PCDH15: variants seen among roughly 807,000 people sequenced by gnomAD.
The protein encoded by PCDH15 is protocadherin-15.
A neutral mutation model predicts 178.5 loss-of-function variants in PCDH15; 129 were observed. The observed-to-expected ratio is 0.72, with a 90% CI of 0.63 to 0.84. PCDH15 has a LOEUF of 0.84. PCDH15 is among the 40% of genes least tolerant of loss of function. The probability of loss-of-function intolerance (pLI) is 0.00; values close to 1 mark genes in which losing one functional copy is unlikely to be tolerated. For missense variants in PCDH15, 2,230 were observed against 2,099.9 expected (o/e 1.06, Z -1.21); for synonymous variants, 800 against 732.0 (o/e 1.09, Z -1.50).
chr10:53,984,136 C>CTT (rs1564928589), intron 21 of PCDH15, among the ~76,000 whole-genome samples: 9 of 73,532 alleles, frequency 1.2e-4, no homozygotes, highest in South Asian at 4.7e-4. Context: ...TTTTTTTTTT[C>CTT]TTTTTTCTTT....
At chr10:53,980,316 T>C (rs1402185272) in intron 21 of PCDH15, among the ~76,000 whole-genome samples, 1 of 152,120 alleles carries the variant, frequency 6.6e-6, no homozygotes, top group Non-Finnish European at 1.5e-5. Context: ...ATTAAAGCTG[T>C]CTTTTAAACA....
intron 13 of PCDH15, among the ~76,000 whole-genome samples, chr10:54,176,547 C>T (rs912408595): frequency 1.5e-4 from 23 of 152,182 alleles, no homozygotes; most frequent in South Asian, 8.3e-4. Flanking sequence ...ATATTATTCT[C>T]GGATTCATAA....
intron 1 of PCDH15, among the ~76,000 whole-genome samples, chr10:54,719,872 C>A (rs2132485211): frequency 6.6e-6 from 1 of 152,154 alleles, no homozygotes; most frequent in South Asian, 2.1e-4. Flanking sequence ...CTTTTTATGG[C>A]TGCATAGTAT....
At chr10:54,786,459 G>C (rs1312571434) in intron 1 of PCDH15, among the ~76,000 whole-genome samples, 1 of 151,958 alleles carries the variant, frequency 6.6e-6, no homozygotes. Context: ...ATTCAGGCAA[G>C]TTATTTTTCA....
chr10:53,873,574 A>G (rs4628594), intron 26 of PCDH15, among the ~76,000 whole-genome samples: 78,690 of 152,044 alleles, frequency 0.52, 22,595 homozygotes, highest in East Asian at 0.7. Flanking sequence ...TAAAGCCACT[A>G]CATTCCACAT....
chr10:54,371,839 T>TC (rs1158798189), intron 4 of PCDH15, among the ~76,000 whole-genome samples: 1 of 151,944 alleles, frequency 6.6e-6, no homozygotes, highest in African/African-American at 2.4e-5. Context: ...TGCTTCAATT[T>TC]CTTTTTTTCA....
intron 2 of PCDH15, among the ~76,000 whole-genome samples, chr10:54,605,415 G>A (rs1337357526): frequency 6.6e-6 from 1 of 151,730 alleles, no homozygotes; most frequent in Non-Finnish European, 1.5e-5. Flanking sequence ...GTTTTGATTG[G>A]CAGTTGTGTA....
Position 55,262,748 on chromosome 10 carries a change from C to T in PCDH15, c.-156+56851G>A, listed in dbSNP as rs529821650. On this transcript the variant is annotated intron_variant, in intron 1 of 5. Coordinates refer to the PCDH15 transcript ENST00000458638. ...CAAAACCTTGCGCTCATTCTCCAAG[C>T]CCATGTGTGGCCTGATTCTTCTGGT... 7.9e-4 allele frequency among the ~76,000 whole-genome samples: 120 copies of T among 152,254 alleles called. 2 individuals are homozygous for T. In the South Asian group the frequency reaches 0.024, roughly 30 times the overall value.
chr10:55,241,731 T>A (rs1841547602), intron 1 of PCDH15, among the ~76,000 whole-genome samples: 1 of 152,168 alleles, frequency 6.6e-6, no homozygotes, highest in Admixed American at 6.5e-5. Flanking sequence ...CCACTTTGTT[T>A]AATTTCTGGA....
At chr10:55,164,795 C>T (rs1268361521) in intron 2 of PCDH15, among the ~76,000 whole-genome samples, 3 of 152,092 alleles carry the variant, frequency 2.0e-5, no homozygotes, top group Admixed American at 6.6e-5. Context: ...AAAATGGCCT[C>T]ATCATTATTA....
chr10:55,438,003 T>C (rs887209035), intron 2 of PCDH15, among the ~76,000 whole-genome samples: 1 of 151,722 alleles, frequency 6.6e-6, no homozygotes, highest in Non-Finnish European at 1.5e-5. Flanking sequence ...CGCCGGCTAA[T>C]TTTGTATTTT....
intron 2 of PCDH15, among the ~76,000 whole-genome samples, chr10:55,049,334 C>T (rs2131985905): frequency 6.6e-6 from 1 of 151,964 alleles, no homozygotes; most frequent in African/African-American, 2.4e-5. Context: ...TTCAGTCATA[C>T]AGACTGTATC....
intron 21 of PCDH15, among the ~76,000 whole-genome samples, chr10:53,965,793 T>TA (rs2088949005): frequency 6.6e-6 from 1 of 152,194 alleles, no homozygotes; most frequent in African/African-American, 2.4e-5. Context: ...TAAAATTACT[T>TA]ATGACAATCA....
At chr10:55,136,195 C>T (rs1396975451) in intron 2 of PCDH15, among the ~76,000 whole-genome samples, 3 of 151,954 alleles carry the variant, frequency 2.0e-5, no homozygotes, top group Non-Finnish European at 4.4e-5. Flanking sequence ...TAAAGATTCA[C>T]CATGCTGTAA....
chr10:55,570,384 T>C (rs974301759), intron 2 of PCDH15, among the ~76,000 whole-genome samples: 4 of 151,972 alleles, frequency 2.6e-5, no homozygotes, highest in Non-Finnish European at 5.9e-5. Context: ...TGGATGATTG[T>C]AGGCATAGTT....
intron 2 of PCDH15, among the ~76,000 whole-genome samples, chr10:54,569,791 G>T (rs2089541649): frequency 1.3e-5 from 2 of 152,084 alleles, no homozygotes; most frequent in Non-Finnish European, 1.5e-5. Flanking sequence ...GAAACAGTCT[G>T]TCCTATACAT....
intron 15 of PCDH15, among the ~76,000 whole-genome samples, chr10:54,132,192 G>T (rs544757414): frequency 6.6e-6 from 1 of 152,076 alleles, no homozygotes; most frequent in Admixed American, 6.5e-5. Flanking sequence ...TATCAACACC[G>T]TATTTAGCCC....
At chr10:54,771,727 A>G (rs1440208290) in intron 1 of PCDH15, among the ~76,000 whole-genome samples, 1 of 152,136 alleles carries the variant, frequency 6.6e-6, no homozygotes, top group Non-Finnish European at 1.5e-5. Flanking sequence ...AATATTCCTT[A>G]TACTAATATT....
At chr10:54,265,401 A>G (rs1295704919) in intron 8 of PCDH15, among the ~76,000 whole-genome samples, 5 of 152,072 alleles carry the variant, frequency 3.3e-5, no homozygotes, top group African/African-American at 1.2e-4. Context: ...CTATGGCAGG[A>G]ACAAAATCTC....
Sources: allele counts gnomAD v4.1 joint callset (sites outside exome capture counted in the v4.1 genomes callset), GRCh38; gene constraint gnomAD v4.1.1; transcripts MANE v1.5; gene names NCBI Gene and HGNC (gene_info 2026-07-23, HGNC 2026-07-21).